The following ADAM32 variants were observed in gnomAD, a reference collection of about 807,000 sequenced individuals.
ADAM32 encodes the protein disintegrin and metalloproteinase domain-containing protein 32.
In ADAM32, 89 loss-of-function variants were observed where a neutral mutation model predicts 114.9. That is an observed-to-expected ratio of 0.77 (90% CI 0.65 to 0.92). The LOEUF (loss-of-function observed/expected upper bound fraction) is 0.92. ADAM32 is among the 40% of genes least tolerant of loss of function. The pLI is 0.00. For missense variants in ADAM32, 870 were observed against 932.8 expected (o/e 0.93, Z 0.88); for synonymous variants, 285 against 307.5 (o/e 0.93, Z 0.77).
chr8:39,224,389 T>C (rs56093547), intron 14 of ADAM32, among the ~76,000 whole-genome samples: 38,587 of 151,976 alleles, frequency 0.25, 5,066 homozygotes, highest in Non-Finnish European at 0.27. Context: ...ATATTCCCAC[T>C]GACAGTGTAT....
chr8:39,238,419 G>T (rs1306918834), intron 16 of ADAM32, among the ~76,000 whole-genome samples: 2 of 152,198 alleles, frequency 1.3e-5, no homozygotes, highest in African/African-American at 4.8e-5. Context: ...GGACAAAAGA[G>T]TCTGAACAGC....
chr8:39,215,525 G>C (rs570154988), intron 12 of ADAM32, among the ~76,000 whole-genome samples: 32 of 152,022 alleles, frequency 2.1e-4, no homozygotes, highest in African/African-American at 7.0e-4. Flanking sequence ...AGTGCGTAGA[G>C]CTATAAACAT....
intron 4 of ADAM32, among the ~76,000 whole-genome samples, chr8:39,148,851 A>G (rs964104242): frequency 9.2e-5 from 14 of 152,168 alleles, no homozygotes; most frequent in Admixed American, 5.2e-4. Context: ...TGGAAATTAT[A>G]TAATTTTCAC....
chr8:39,246,165 G>C lies in ADAM32; in HGVS notation c.1901G>C (p.Gly634Ala). The C allele has an allele frequency of 6.2e-7, 1 of 1,610,456 alleles. No individual in the cohort carries two copies. The highest frequency in any genetic ancestry group is 8.5e-7 in the Non-Finnish European group (1 of 1,177,480). ...HVCSQQCSGH[G>A]VCDSRNKCHC... ...TGTTCACAACAGTGTTCTGGACATG[G>C]AGTAAGTAACCACATGTTTCCCTGA... Residue 634 changes from glycine (G) to alanine (A), a missense_variant and splice_region_variant, in exon 17 of 25, where the codon GGA becomes GCA. By Grantham distance (60) the Gly-to-Ala change is moderately conservative. Transcript: ENST00000379907.
intron 11 of ADAM32, among the ~76,000 whole-genome samples, chr8:39,207,875 C>T (rs1224622799): frequency 1.3e-5 from 2 of 152,124 alleles, no homozygotes; most frequent in African/African-American, 2.4e-5. Flanking sequence ...TCCTCCTGCT[C>T]CATTTATATT....
At chr8:39,206,448 T>A (rs1172227870) in intron 11 of ADAM32, among the ~76,000 whole-genome samples, 1 of 152,196 alleles carries the variant, frequency 6.6e-6, no homozygotes, top group Non-Finnish European at 1.5e-5. Context: ...GGCACTGAAG[T>A]CAGCAGGTGG....
At chr8:39,235,122 G>GAAAT (rs1229141659) in intron 16 of ADAM32, among the ~76,000 whole-genome samples, 1 of 151,648 alleles carries the variant, frequency 6.6e-6, no homozygotes, top group Non-Finnish European at 1.5e-5. Flanking sequence ...TTGGATATAT[G>GAAAT]AAATAAATAA....
At chr8:39,168,650 C>T (rs971838388) in intron 9 of ADAM32, 1 of 152,070 alleles carries the variant, frequency 6.6e-6, no homozygotes, top group Non-Finnish European at 1.5e-5. Flanking sequence ...AGGTCTCTTC[C>T]ACCCCCAACT....
chr8:39,168,563 A>C (rs1804995487), intron 9 of ADAM32: 1 of 152,182 alleles, frequency 6.6e-6, no homozygotes, highest in South Asian at 2.1e-4. Flanking sequence ...CCAACACTAC[A>C]TGAAAACTTT....
intron 16 of ADAM32, among the ~76,000 whole-genome samples, chr8:39,238,165 C>T (rs539492147): frequency 9.8e-5 from 15 of 152,354 alleles, no homozygotes; most frequent in African/African-American, 3.4e-4. Flanking sequence ...AGGACTCTCA[C>T]AGAATCTACT....
At chr8:39,281,100 G>T (rs1343825052) in intron 22 of ADAM32, 36 bp from the exon 23 acceptor site, 15 of 1,085,936 alleles carry the variant, frequency 1.4e-5, no homozygotes, top group South Asian at 8.2e-5. Context: ...TTTAATAATA[G>T]ATATTTAATA....
intron 23 of ADAM32, among the ~76,000 whole-genome samples, chr8:39,283,101 A>G (rs28662466): frequency 0.11 from 16,040 of 152,060 alleles, 2,660 homozygotes; most frequent in African/African-American, 0.35. Context: ...GAATCTGTGT[A>G]TATAAAAATG....
intron 16 of ADAM32, among the ~76,000 whole-genome samples, chr8:39,244,665 C>A (rs1395862988): frequency 6.6e-6 from 1 of 152,016 alleles, no homozygotes; most frequent in Admixed American, 6.6e-5. Context: ...GTGTCAAAGA[C>A]CAGGAAGGGG....
chr8:39,262,204 G>A (rs143393922), intron 19 of ADAM32, among the ~76,000 whole-genome samples: 1 of 143,242 alleles, frequency 7.0e-6, no homozygotes, highest in Admixed American at 7.0e-5. Flanking sequence ...TCCGTTATGA[G>A]TTTTTTTTTT....
intron 2 of ADAM32, among the ~76,000 whole-genome samples, chr8:39,128,022 A>ATATC (rs1262829555): frequency 6.6e-6 from 1 of 152,088 alleles, no homozygotes; most frequent in Non-Finnish European, 1.5e-5. Context: ...ATTTCTGTAG[A>ATATC]TATCTATCAG....
intron 16 of ADAM32, among the ~76,000 whole-genome samples, chr8:39,241,900 T>C (rs1810585864): frequency 6.6e-6 from 1 of 152,248 alleles, no homozygotes; most frequent in African/African-American, 2.4e-5. Context: ...TTCTTTTCTA[T>C]TGTGCTATCA....
chr8:39,149,866 A>G lies in ADAM32; in HGVS notation c.352A>G (p.Arg118Gly). 2 of 1,606,570 alleles carry G rather than the reference A, an allele frequency of 1.2e-6. No homozygotes were observed. Among genetic ancestry groups the G allele is most frequent in the Non-Finnish European group, 1.7e-6 (2 of 1,175,242 alleles). Residue 118 changes from arginine (R) to glycine (G), a missense_variant and splice_region_variant, in exon 5 of 25, where the codon AGA (arginine) becomes GGA (glycine). By Grantham distance (125) the Arg-to-Gly change is moderately radical. Transcript: ENST00000379907. ...MVTLSTCSGLRGILQFENVSY... is the reference protein window; with the variant it reads ...MVTLSTCSGLGGILQFENVSY... ...CACACTCAGCACGTGCTCTGGACTA[A>G]GGTTGTTTTCTGTTGTTGATTACAG...
rs558942556 is a variant in ADAM32, at chr8:39,121,824, G to T, written c.138+3659G>T. Among the ~76,000 whole-genome samples the T allele has an allele frequency of 2.8e-4, 43 of 152,312 alleles. 1 individual carries two copies. The South Asian group carries it at 8.5e-3, about 30-fold the overall frequency. ...GCCGCTTTACAGAGCTGAGGGGATG[G>T]GGCCAGTCCCTAGGGCCATGGGAGA... On this transcript the variant is annotated intron_variant, in intron 2 of 24. Coordinates refer to ENST00000379907, the MANE Select transcript of ADAM32 (RefSeq NM_145004.7).
rs115275130 is a variant in ADAM32, at chr8:39,280,289, A to T, written c.2280-847A>T. 2.3e-3 allele frequency among the ~76,000 whole-genome samples: 341 copies of T among 150,384 alleles called. 3 individuals carry two copies. The highest frequency in any genetic ancestry group is 8.1e-3 in the African/African-American group (322 of 39,866). ...CTGAGCTTCTAATTTATTTTTTTTT[A>T]AATGGTAGAAGGAAAACCCTTTGTG... On this transcript the variant is annotated intron_variant, in intron 22 of 24. Transcript: ENST00000379907.
Sources: gnomAD v4.1 joint callset for allele counts (sites outside exome capture counted in the v4.1 genomes callset) on GRCh38, gnomAD v4.1.1 for gene constraint, MANE v1.5 for transcripts, NCBI Gene and HGNC (gene_info 2026-07-23, HGNC 2026-07-21) for gene names.